Variants in CHKA observed in about 807,000 individuals in gnomAD.
CHKA encodes choline kinase alpha, also known as CHETK-alpha.
CHKA carries 34 observed loss-of-function variants against 60.1 expected under a neutral mutation model. The observed-to-expected ratio is 0.57, with a 90% CI of 0.43 to 0.75. The LOEUF (loss-of-function observed/expected upper bound fraction) is 0.75. Among genes scored for constraint, CHKA ranks in the 30% least tolerant of loss-of-function variants. The pLI, the probability that CHKA is intolerant of heterozygous loss-of-function variation, is 0.00. For synonymous variants in CHKA, 217 were observed against 223.1 expected (o/e 0.97, Z 0.24); for missense variants, 563 against 561.3 (o/e 1.00, Z -0.03).
intron 6 of CHKA, among the ~76,000 whole-genome samples, chr11:68,069,140 G>A (rs1856536079): frequency 6.6e-6 from 1 of 152,066 alleles, no homozygotes; most frequent in Non-Finnish European, 1.5e-5. Context: ...TTCCCCCGGA[G>A]GACCTCTGCA....
chr11:68,065,574 G>A (rs757690065), intron 9 of CHKA, among the ~76,000 whole-genome samples: 7 of 152,044 alleles, frequency 4.6e-5, no homozygotes, highest in African/African-American at 9.7e-5. Context: ...GGTGGCATGC[G>A]TCTGTGGTCC....
At chr11:68,097,181 C>G in intron 1 of CHKA, 51 bp from the exon 2 acceptor site, 2 of 1,394,070 alleles carry the variant, frequency 1.4e-6, no homozygotes, top group Non-Finnish European at 2.0e-6. Context: ...TGAGCTAAAT[C>G]ACTCTTCTTG....
At chr11:68,099,139 G>A (rs1182001658) in intron 1 of CHKA, among the ~76,000 whole-genome samples, 3 of 152,096 alleles carry the variant, frequency 2.0e-5, no homozygotes, top group Non-Finnish European at 4.4e-5. Flanking sequence ...AATCTATAAA[G>A]TCCATTAGTG....
intron 2 of CHKA, among the ~76,000 whole-genome samples, chr11:68,094,788 G>A (rs1461567302): frequency 1.3e-5 from 2 of 152,136 alleles, no homozygotes; most frequent in African/African-American, 2.4e-5. Flanking sequence ...AAGTGCACAC[G>A]TGTGTGGAAT....
Position 68,102,613 on chromosome 11 carries a change from G to A in CHKA, c.351-5483C>T, listed in dbSNP as rs116975236. On this transcript the variant is annotated intron_variant, in intron 1 of 11. Coordinates refer to ENST00000265689, the MANE Select transcript of CHKA (RefSeq NM_001277.3). ...TATGAAACTGCCATAAGAAAACATA[G>A]GGAAAAAGCTTCATGACCTTGGTCT... Among the ~76,000 whole-genome samples, 1,065 of 152,204 alleles carry A rather than the reference G, an allele frequency of 7.0e-3. 10 individuals carry two copies. Among genetic ancestry groups the A allele is most frequent in the Non-Finnish European group, 8.5e-3 (579 of 68,020 alleles).
At chr11:68,058,856 C>T (rs1239495389) in intron 11 of CHKA, among the ~76,000 whole-genome samples, 1 of 152,160 alleles carries the variant, frequency 6.6e-6, no homozygotes, top group African/African-American at 2.4e-5. Flanking sequence ...TCAAAGGGGA[C>T]ATTTTCCCTG....
intron 6 of CHKA, among the ~76,000 whole-genome samples, chr11:68,069,855 C>T (rs1188714321): frequency 1.3e-5 from 2 of 152,102 alleles, no homozygotes; most frequent in East Asian, 3.9e-4. Flanking sequence ...CCTCACACTC[C>T]CCAGCCTGCC....
chr11:68,063,823 C>A (rs1195927346), intron 10 of CHKA, among the ~76,000 whole-genome samples: 2 of 152,120 alleles, frequency 1.3e-5, no homozygotes, highest in Non-Finnish European at 2.9e-5. Context: ...TCTCTCTGCC[C>A]CTCTCTCTCC....
intron 1 of CHKA, among the ~76,000 whole-genome samples, chr11:68,107,543 A>G (rs1204920543): frequency 6.6e-6 from 1 of 150,802 alleles, no homozygotes; most frequent in Non-Finnish European, 1.5e-5. Flanking sequence ...TCCTCTCCCT[A>G]TCTCCCAAAT....
chr11:68,104,335 G>C (rs1243779567), intron 1 of CHKA, among the ~76,000 whole-genome samples: 2 of 152,112 alleles, frequency 1.3e-5, no homozygotes, highest in Non-Finnish European at 2.9e-5. Context: ...GGGGAGGGGA[G>C]ACAGGGAGAG....
At chr11:68,099,683 C>T (rs1857639223) in intron 1 of CHKA, among the ~76,000 whole-genome samples, 1 of 152,182 alleles carries the variant, frequency 6.6e-6, no homozygotes, top group South Asian at 2.1e-4. Context: ...ATCCCCCTGC[C>T]GCGTCTGGTC....
chr11:68,102,113 GA>G (rs1469346002), intron 1 of CHKA, among the ~76,000 whole-genome samples: 7 of 108,118 alleles, frequency 6.5e-5, no homozygotes, highest in Admixed American at 1.8e-4. Context: ...AAAAAAAAAA[GA>G]AAAAAAAAAG....
chr11:68,084,296 G>GTA (rs1424081304), intron 2 of CHKA, among the ~76,000 whole-genome samples: 1 of 137,758 alleles, frequency 7.3e-6, no homozygotes, highest in African/African-American at 2.7e-5. Flanking sequence ...ATATATATAC[G>GTA]TATATGTGTA....
At chr11:68,075,997 G>A (rs1267243669) in intron 3 of CHKA, among the ~76,000 whole-genome samples, 1 of 152,046 alleles carries the variant, frequency 6.6e-6, no homozygotes, top group Non-Finnish European at 1.5e-5. Context: ...AAACTTATTA[G>A]GAAATGATAC....
chr11:68,061,095 G>GTTTTTT (rs757176198), intron 11 of CHKA, among the ~76,000 whole-genome samples: 7 of 70,878 alleles, frequency 9.9e-5, no homozygotes, highest in Non-Finnish European at 1.8e-4. Flanking sequence ...GTCAGTGACA[G>GTTTTTT]TTTTTTTTTT....
At chr11:68,097,997 C>T (rs572049070) in intron 1 of CHKA, among the ~76,000 whole-genome samples, 4 of 152,160 alleles carry the variant, frequency 2.6e-5, no homozygotes, top group South Asian at 2.1e-4. Context: ...GGAGGTCGGG[C>T]GCAGTGGCTC....
At chr11:68,113,094 AAAAAAAAAAAAAAAAAG>A in intron 1 of CHKA, among the ~76,000 whole-genome samples, 1 of 134,328 alleles carries the variant, frequency 7.4e-6, no homozygotes, top group Non-Finnish European at 1.6e-5. Flanking sequence ...AAAAAAAAAA[AAAAAAAAAAAAAAAAAG>A]AAGCTGTGGC....
intron 2 of CHKA, among the ~76,000 whole-genome samples, chr11:68,082,712 G>A (rs985382075): frequency 2.6e-5 from 4 of 152,150 alleles, no homozygotes; most frequent in Admixed American, 1.3e-4. Context: ...AACAAAATAA[G>A]TATCCATGTT....
chr11:68,065,638 G>A, intron 9 of CHKA, 148 bp downstream of exon 9: 2 of 586,098 alleles, frequency 3.4e-6, no homozygotes, highest in South Asian at 3.9e-5. Flanking sequence ...AAGGTCAAGG[G>A]TACAGTGAGC....
Sources: gnomAD v4.1 joint callset for allele counts (sites outside exome capture counted in the v4.1 genomes callset) on GRCh38, gnomAD v4.1.1 for gene constraint, MANE v1.5 for transcripts, NCBI Gene and HGNC (gene_info 2026-07-23, HGNC 2026-07-21) for gene names.